The following PCYT1B variants were observed in gnomAD, a reference collection of about 807,000 sequenced individuals.
PCYT1B encodes choline-phosphate cytidylyltransferase B.
PCYT1B carries 10 observed loss-of-function variants against 26.4 expected under a neutral mutation model. The observed-to-expected ratio is 0.38, with a 90% confidence interval of 0.23 to 0.64. PCYT1B has a LOEUF of 0.64. PCYT1B is among the 30% of genes least tolerant of loss of function. PCYT1B has a pLI of 0.56. For synonymous variants in PCYT1B, 131 were observed against 108.4 expected (o/e 1.21, Z -1.29); for missense variants, 161 against 292.7 (o/e 0.55, Z 3.28).
At chrX:24,633,544 T>A (rs945165452) in intron 1 of PCYT1B, among the ~76,000 whole-genome samples, 1 of 109,810 alleles carries the variant, frequency 9.1e-6, no homozygotes, top group Non-Finnish European at 1.9e-5. Context: ...CGTCGTTACA[T>A]GCGCCTGTAA....
intron 1 of PCYT1B, among the ~76,000 whole-genome samples, chrX:24,670,148 G>GGAAGGAAGGAAA (rs1569261942): frequency 9.3e-6 from 1 of 108,030 alleles, no homozygotes; most frequent in Non-Finnish European, 1.9e-5. Flanking sequence ...AAGGAAGGAA[G>GGAAGGAAGGAAA]GAAGGAAATG....
At chrX:24,645,307 T>C (rs1006889006) in intron 1 of PCYT1B, among the ~76,000 whole-genome samples, 3 of 110,802 alleles carry the variant, frequency 2.7e-5, no homozygotes, top group Non-Finnish European at 3.8e-5. Context: ...CTTTAAAAAA[T>C]ATATTTTTGG....
At chrX:24,623,364 C>CATATCT (rs1215416682) in intron 1 of PCYT1B, among the ~76,000 whole-genome samples, 1 of 79,669 alleles carries the variant, frequency 1.3e-5, no homozygotes, top group African/African-American at 4.7e-5. Context: ...ATGAGATTTA[C>CATATCT]ATATATATAT....
At chrX:24,610,917 C>T (rs990965427) in intron 2 of PCYT1B, among the ~76,000 whole-genome samples, 2 of 111,631 alleles carry the variant, frequency 1.8e-5, no homozygotes, top group Non-Finnish European at 3.8e-5. Context: ...ACATATCAAC[C>T]TACTGTAAAG....
chrX:24,582,813 A>G (rs768817770), intron 5 of PCYT1B, among the ~76,000 whole-genome samples: 1 of 111,963 alleles, frequency 8.9e-6, no homozygotes, highest in East Asian at 2.8e-4. Context: ...TTGAGTATGA[A>G]AGCCAAATAT....
At chrX:24,638,413 C>T (rs1364207317) in intron 1 of PCYT1B, among the ~76,000 whole-genome samples, 1 of 111,710 alleles carries the variant, frequency 9.0e-6, no homozygotes, top group Non-Finnish European at 1.9e-5. Context: ...TCCCATACAA[C>T]CCAGTTCATG....
rs761470680 is a variant in PCYT1B at position 24,638,521 on chromosome X, T to C, written c.117+8468A>G. Among the ~76,000 whole-genome samples the C allele has an allele frequency of 1.8e-4, 20 of 112,336 alleles. No individual in the cohort carries two copies. The East Asian group carries it at 5.6e-3, about 31-fold the overall frequency. Reference sequence around the variant, plus strand: ...TCCTAGCAAGGTAGAGGCTGTTACCTGGGAGATTATTGGAAGAAAATAGGC... The same window carrying C: ...TCCTAGCAAGGTAGAGGCTGTTACCCGGGAGATTATTGGAAGAAAATAGGC... On this transcript the variant is annotated intron_variant, in intron 1 of 7. Coordinates refer to ENST00000379144, the MANE Select transcript of PCYT1B (RefSeq NM_004845.5).
In PCYT1B at chrX:24,587,769, C is replaced by T. The variant is rs16997718; in HGVS notation, c.487-450G>A. On this transcript the variant is annotated intron_variant, in intron 4 of 7. Transcript: ENST00000379144. ...AAAGGAATTTGTCTCTTTCCTCATTCGATCCTCATAACCACCTTGTGAGGT... is the reference window on the plus strand; with the variant it reads ...AAAGGAATTTGTCTCTTTCCTCATTTGATCCTCATAACCACCTTGTGAGGT... Among the ~76,000 whole-genome samples the T allele has an allele frequency of 4.3e-3, 482 of 112,628 alleles. 2 individuals are homozygous for T. Among genetic ancestry groups the T allele is most frequent in the African/African-American group, 0.014 (445 of 31,066 alleles).
intron 3 of PCYT1B, among the ~76,000 whole-genome samples, chrX:24,593,764 T>TGA (rs1924687700): frequency 1.8e-5 from 2 of 110,132 alleles, no homozygotes; most frequent in African/African-American, 6.6e-5. Flanking sequence ...TGACTTCAAG[T>TGA]GATCCACCTG....
chrX:24,582,697 C>G (rs1924242924), intron 5 of PCYT1B, among the ~76,000 whole-genome samples: 2 of 112,200 alleles, frequency 1.8e-5, no homozygotes, highest in African/African-American at 6.5e-5. Context: ...AGGATTTTGA[C>G]ACATAGTTCT....
At chrX:24,576,997 G>C (rs1924038131) in intron 6 of PCYT1B, among the ~76,000 whole-genome samples, 1 of 111,945 alleles carries the variant, frequency 8.9e-6, no homozygotes, top group Non-Finnish European at 1.9e-5. Flanking sequence ...TTCTGCACTG[G>C]AAATAGTTAC....
intron 7 of PCYT1B, among the ~76,000 whole-genome samples, chrX:24,565,303 A>G (rs1441184132): frequency 9.0e-6 from 1 of 111,175 alleles, no homozygotes; most frequent in Non-Finnish European, 1.9e-5. Flanking sequence ...CCTATTTACC[A>G]TCTTAGGCTT....
intron 4 of PCYT1B, among the ~76,000 whole-genome samples, chrX:24,589,247 T>A (rs1393948049): frequency 8.9e-6 from 1 of 112,294 alleles, no homozygotes; most frequent in Non-Finnish European, 1.9e-5. Flanking sequence ...CATTTATCAG[T>A]GTTCTCTATT....
At chrX:24,630,249 A>C (rs1260188780) in intron 1 of PCYT1B, among the ~76,000 whole-genome samples, 2 of 112,206 alleles carry the variant, frequency 1.8e-5, no homozygotes, top group African/African-American at 3.2e-5. Context: ...AATAGTTGCA[A>C]GATCTGGGGT....
intron 1 of PCYT1B, among the ~76,000 whole-genome samples, chrX:24,659,785 C>T (rs1419152075): frequency 2.7e-5 from 3 of 111,077 alleles, no homozygotes; most frequent in East Asian, 2.8e-4. Flanking sequence ...ATAACAAATC[C>T]ACCCTTGTGG....
intron 1 of PCYT1B, among the ~76,000 whole-genome samples, chrX:24,624,929 C>T (rs1305488197): frequency 8.9e-6 from 1 of 112,559 alleles, no homozygotes; most frequent in Non-Finnish European, 1.9e-5. Flanking sequence ...TCAATTTCAC[C>T]TTTAGAGTGA....
chrX:24,629,720 C>G (rs1400005194), intron 1 of PCYT1B, among the ~76,000 whole-genome samples: 1 of 109,796 alleles, frequency 9.1e-6, no homozygotes, highest in Non-Finnish European at 1.9e-5. Context: ...GATCAGAGAT[C>G]AGAATTTTTA....
intron 6 of PCYT1B, 96 bp downstream of exon 6, chrX:24,579,220 C>A: frequency 1.3e-5 from 9 of 695,395 alleles, no homozygotes; most frequent in African/African-American, 6.7e-5. Context: ...AGAGGGAGAA[C>A]ACTGCATAGC....
chrX:24,572,969 C>CAT (rs1356911002), intron 7 of PCYT1B, among the ~76,000 whole-genome samples: 2 of 106,260 alleles, frequency 1.9e-5, no homozygotes, highest in Non-Finnish European at 3.9e-5. Flanking sequence ...CATACACACA[C>CAT]ATATATATAC....
Sources: gnomAD v4.1 joint callset for allele counts (sites outside exome capture counted in the v4.1 genomes callset) on GRCh38, gnomAD v4.1.1 for gene constraint, MANE v1.5 for transcripts, NCBI Gene and HGNC (gene_info 2026-07-23, HGNC 2026-07-21) for gene names.